The following ST18 variants were observed in gnomAD, a reference collection of about 807,000 sequenced individuals.
The protein encoded by ST18 is ST18 C2H2C-type zinc finger transcription factor, also known as suppression of tumorigenicity 18 protein.
In ST18, 50 loss-of-function variants were observed where a neutral mutation model predicts 110.0. That is an observed-to-expected ratio of 0.45 (90% CI 0.36 to 0.58). The LOEUF is 0.58. ST18 is among the 20% of genes least tolerant of loss of function. ST18 has a pLI of 0.00. For missense variants in ST18, 1,306 were observed against 1,280.1 expected (o/e 1.02, Z -0.31); for synonymous variants, 461 against 452.4 (o/e 1.02, Z -0.24).
At chr8:52,268,188 A>C (rs370732077) in intron 2 of ST18, among the ~76,000 whole-genome samples, 24 of 152,348 alleles carry the variant, frequency 1.6e-4, no homozygotes, top group African/African-American at 5.1e-4. Context: ...ACTGAGTGGT[A>C]ATGAAGACAG....
chr8:52,288,965 G>A (rs767246771), intron 2 of ST18, among the ~76,000 whole-genome samples: 3 of 152,094 alleles, frequency 2.0e-5, no homozygotes, highest in Non-Finnish European at 4.4e-5. Flanking sequence ...CATGGCACGT[G>A]TGCAAGGTCC....
chr8:52,158,793 A>C (rs1404952873), intron 15 of ST18, 105 bp downstream of exon 15: 1 of 1,301,030 alleles, frequency 7.7e-7, no homozygotes, highest in Non-Finnish European at 1.1e-6. Flanking sequence ...ATCGCTTCAG[A>C]GGTTGGGGAG....
intron 2 of ST18, among the ~76,000 whole-genome samples, chr8:52,339,205 C>A (rs746259189): frequency 2.0e-5 from 3 of 152,134 alleles, no homozygotes; most frequent in Non-Finnish European, 2.9e-5. Context: ...TGCTGGCTGG[C>A]ACCAGGCTGC....
At chr8:52,166,318 T>C (rs1320305301) in intron 11 of ST18, among the ~76,000 whole-genome samples, 1 of 152,196 alleles carries the variant, frequency 6.6e-6, no homozygotes, top group Non-Finnish European at 1.5e-5. Context: ...AAAAATGCAA[T>C]CCAGCCAATC....
At position 52,186,460 on chromosome 8, in the gene ST18, T is replaced by C. The variant is rs1179088006; in HGVS notation, c.87-6148A>G. ...TCAGGCAACTGGAACGCTCATACAC[T>C]GCTAGCACAGGTAAATCGGTATGGC... On this transcript the variant is annotated intron_variant, in intron 8 of 25. Coordinates refer to ENST00000689386, the MANE Select transcript of ST18 (RefSeq NM_001352837.2). Among the ~76,000 whole-genome samples the C allele has an allele frequency of 2.6e-5, 4 of 152,270 alleles. No individual in the cohort carries two copies. The South Asian group carries it at 8.3e-4, about 32-fold the overall frequency.
intron 16 of ST18, among the ~76,000 whole-genome samples, chr8:52,145,297 G>A (rs2056869639): frequency 6.6e-6 from 1 of 152,038 alleles, no homozygotes; most frequent in South Asian, 2.1e-4. Context: ...CATAAAGCTT[G>A]CAGGATATAT....
chr8:52,189,405 C>T (rs1368944138), intron 8 of ST18, among the ~76,000 whole-genome samples: 5 of 152,166 alleles, frequency 3.3e-5, no homozygotes, highest in Admixed American at 1.3e-4. Flanking sequence ...TCCAGAACTG[C>T]CATTACAAAG....
At chr8:52,178,152 T>C (rs990541637) in intron 9 of ST18, among the ~76,000 whole-genome samples, 1 of 152,182 alleles carries the variant, frequency 6.6e-6, no homozygotes, top group Admixed American at 6.5e-5. Context: ...GACAAGTCAG[T>C]GAGCCAGATA....
intron 2 of ST18, among the ~76,000 whole-genome samples, chr8:52,240,351 G>C (rs1160509567): frequency 2.6e-5 from 4 of 152,050 alleles, no homozygotes; most frequent in Admixed American, 2.0e-4. Flanking sequence ...ATTTCACACT[G>C]AGTCTATGGA....
At chr8:52,167,182 C>T (rs1285418046) in intron 10 of ST18, among the ~76,000 whole-genome samples, 196 bp from the exon 11 acceptor site, 1 of 152,106 alleles carries the variant, frequency 6.6e-6, no homozygotes, top group Non-Finnish European at 1.5e-5. Context: ...TCTTGGTTTC[C>T]TAAGTAAAGG....
chr8:52,277,652 G>A (rs1244860008), intron 2 of ST18, among the ~76,000 whole-genome samples: 1 of 152,096 alleles, frequency 6.6e-6, no homozygotes, highest in Non-Finnish European at 1.5e-5. Flanking sequence ...ATTCATCAAG[G>A]TGAATAACTT....
intron 16 of ST18, among the ~76,000 whole-genome samples, chr8:52,149,075 A>G (rs1445315512): frequency 6.6e-6 from 1 of 152,254 alleles, no homozygotes; most frequent in Non-Finnish European, 1.5e-5. Context: ...TGAGTAGTCC[A>G]TGGCTAATCA....
chr8:52,349,066 A>G (rs573752577), intron 2 of ST18, among the ~76,000 whole-genome samples: 42 of 152,218 alleles, frequency 2.8e-4, no homozygotes, highest in African/African-American at 9.9e-4. Context: ...TGGATTCCAC[A>G]TATGAGTGAG....
At chr8:52,173,058 T>C (rs1218045905) in intron 9 of ST18, among the ~76,000 whole-genome samples, 1 of 152,236 alleles carries the variant, frequency 6.6e-6, no homozygotes, top group Non-Finnish European at 1.5e-5. Context: ...AGCATGGCAA[T>C]GTATTTTCAA....
chr8:52,191,614 T>C (rs2074514504), intron 8 of ST18, among the ~76,000 whole-genome samples: 1 of 152,166 alleles, frequency 6.6e-6, no homozygotes, highest in African/African-American at 2.4e-5. Context: ...AGTTAGTTCG[T>C]ACATGGTTCA....
intron 2 of ST18, among the ~76,000 whole-genome samples, chr8:52,247,715 T>TA (rs2093969023): frequency 6.6e-6 from 1 of 152,226 alleles, no homozygotes; most frequent in Non-Finnish European, 1.5e-5. Flanking sequence ...ACAACTGCCT[T>TA]AAACTAAATT....
chr8:52,176,214 G>A (rs988087663), intron 9 of ST18, among the ~76,000 whole-genome samples: 2 of 152,008 alleles, frequency 1.3e-5, no homozygotes, highest in Admixed American at 6.6e-5. Flanking sequence ...TAGTAGAGAT[G>A]GGGTTTCAGC....
chr8:52,289,344 C>T (rs2095518555), intron 2 of ST18, among the ~76,000 whole-genome samples: 1 of 152,088 alleles, frequency 6.6e-6, no homozygotes, highest in African/African-American at 2.4e-5. Flanking sequence ...CCTGATGTCC[C>T]AGCTACTTGG....
At chr8:52,188,698 T>C (rs900927751) in intron 8 of ST18, among the ~76,000 whole-genome samples, 1 of 152,246 alleles carries the variant, frequency 6.6e-6, no homozygotes, top group East Asian at 1.9e-4. Context: ...ATAAACCAGA[T>C]GAGAGATGTG....
Sources: allele counts gnomAD v4.1 joint callset (sites outside exome capture counted in the v4.1 genomes callset), GRCh38; gene constraint gnomAD v4.1.1; transcripts MANE v1.5; gene names NCBI Gene and HGNC (gene_info 2026-07-23, HGNC 2026-07-21).